The following STK38L variants were observed in gnomAD, a reference collection of about 807,000 sequenced individuals.
STK38L encodes the protein serine/threonine-protein kinase 38-like.
In STK38L, 28 loss-of-function variants were observed where a neutral mutation model predicts 59.7. That is an observed-to-expected ratio of 0.47 (90% CI 0.35 to 0.64). The LOEUF (loss-of-function observed/expected upper bound fraction) is 0.64. Ranked by LOEUF, STK38L falls within the 30% of genes least tolerant of loss-of-function variation. The pLI, the probability that STK38L is intolerant of heterozygous loss-of-function variation, is 0.01. For missense variants in STK38L, 314 were observed against 555.8 expected, an observed-to-expected ratio of 0.56 and a Z score of 4.37; for synonymous variants, 162 against 176.8, an observed-to-expected ratio of 0.92 and a Z score of 0.66.
At chr12:27,254,672 G>T (rs1174939764) in intron 1 of STK38L, among the ~76,000 whole-genome samples, 3 of 152,146 alleles carry the variant, frequency 2.0e-5, no homozygotes, top group Non-Finnish European at 2.9e-5. Context: ...CTAGGCCAGC[G>T]GTTGGCAGCT....
In STK38L at chr12:27,297,787, G is replaced by A. The variant is rs1944061499; in HGVS notation, c.67G>A (p.Val23Ile). 2 of 1,614,086 alleles carry A rather than the reference G, an allele frequency of 1.2e-6. No homozygotes were observed. The highest frequency in any genetic ancestry group is 2.2e-5 in the South Asian group (2 of 91,078). Residue 23 changes from valine (V) to isoleucine (I), a missense_variant, in exon 2 of 14, where the codon GTA (valine) becomes ATA (isoleucine). This residue lies in a region of STK38L where 192 missense variants were observed against 316.9 expected (regional missense o/e 0.61). Transcript: ENST00000389032. ...CAACCATACCCGGGAAAGAGTGACT[G>A]TAGCCAAGCTCACATTGGAGAATTT... ...MSNHTRERVT[V>I]AKLTLENFYS...
chr12:27,251,696 G>C (rs1284255794), intron 1 of STK38L, among the ~76,000 whole-genome samples: 3 of 152,206 alleles, frequency 2.0e-5, no homozygotes, highest in African/African-American at 7.2e-5. Flanking sequence ...AAGCCAATTA[G>C]GAGTGGGTAA....
At chr12:27,263,764 C>T (rs1223565131) in intron 1 of STK38L, among the ~76,000 whole-genome samples, 2 of 152,168 alleles carry the variant, frequency 1.3e-5, no homozygotes, top group Admixed American at 6.5e-5. Context: ...CAGAATAAGG[C>T]GTGGCTCCTG....
rs570791389 is a variant in STK38L at position 27,304,009 on chromosome 12, C to G, written c.186+1821C>G. ...GAGTGCAGTGGCACACACCTGTAAT[C>G]CCAGCACTTTGGGAGGCCAAGATGG... On this transcript the variant is annotated intron_variant, in intron 3 of 13. Coordinates refer to ENST00000389032, the MANE Select transcript of STK38L (RefSeq NM_015000.4). 2.6e-5 allele frequency among the ~76,000 whole-genome samples: 4 copies of G among 152,228 alleles called. No individual in the cohort carries two copies. The East Asian group carries it at 7.7e-4, about 29-fold the overall frequency.
rs1944774506 is a variant in STK38L at position 27,323,340 on chromosome 12, T to TTTATTAAACTG, written c.*886_*887insTATTAAACTGT. 11 of 152,704 alleles carry TTTATTAAACTG rather than the reference T, an allele frequency of 7.2e-5. No individual in the cohort carries two copies. In the South Asian group the frequency reaches 2.3e-3, roughly 32 times the overall value. The allele number at this position is 152,704 out of a possible 1,614,324, so 9.5% of individuals were successfully genotyped here. On this transcript the variant is annotated 3_prime_UTR_variant, in exon 14 of 14. Coordinates refer to ENST00000389032, the MANE Select transcript of STK38L (RefSeq NM_015000.4). ...ATGACCATGAAGGCTGCTTGTAGAA[T>TTTATTAAACTG]TAGTGTATTTTTATTAAACTATTTT... is the stretch of plus-strand genomic sequence containing the variant.
intron 1 of STK38L, among the ~76,000 whole-genome samples, chr12:27,275,588 C>T (rs969436994): frequency 6.6e-6 from 1 of 151,966 alleles, no homozygotes; most frequent in Non-Finnish European, 1.5e-5. Flanking sequence ...ATCCGCTCAC[C>T]TCGGCCTCCC....
chr12:27,252,354 G>A (rs563859564), intron 1 of STK38L, among the ~76,000 whole-genome samples: 1 of 152,324 alleles, frequency 6.6e-6, no homozygotes, highest in Non-Finnish European at 1.5e-5. Flanking sequence ...TTCACTTCTG[G>A]AAAGTGATAA....
At chr12:27,322,052 A>G in intron 12 of STK38L, 91 bp from the exon 13 acceptor site, 1 of 1,175,296 alleles carries the variant, frequency 8.5e-7, no homozygotes, top group Non-Finnish European at 1.2e-6. Flanking sequence ...TAGTATCTGT[A>G]GAATAGTATG....
Position 27,285,141 on chromosome 12 carries a change from A to G in STK38L, c.-11-12569A>G, listed in dbSNP as rs192719107. On this transcript the variant is annotated intron_variant, in intron 1 of 13. Coordinates refer to ENST00000389032, the MANE Select transcript of STK38L (RefSeq NM_015000.4). Reference sequence around the variant, plus strand: ...TCTTGTCTAATTTTTGTACCCCCAAAGGACTGCTGCTTCTGGCTCTTAAGT... The same window carrying G: ...TCTTGTCTAATTTTTGTACCCCCAAGGGACTGCTGCTTCTGGCTCTTAAGT... Among the ~76,000 whole-genome samples, 164 of 152,362 alleles carry G rather than the reference A, an allele frequency of 1.1e-3. 1 individual carries two copies. Among genetic ancestry groups the G allele is most frequent in the Non-Finnish European group, 2.0e-3 (134 of 68,034 alleles).
rs1212113825 is a variant in STK38L, at chr12:27,314,548, G to A, written c.562G>A (p.Glu188Lys). The A allele has an allele frequency of 1.2e-6, 2 of 1,601,142 alleles. No homozygotes were observed. Among genetic ancestry groups the A allele is most frequent in the African/African-American group, 1.4e-5 (1 of 74,010 alleles). ...LLMKKDTLTE[E>K]ETQFYISETV... is the part of the protein sequence containing the mutation. ...AATGAAGAAAGACACCTTGACAGAA[G>A]AGGAAACACAGTTCTACATTTCAGA... The change falls in exon 7 of 14, where the codon GAG (glutamate) becomes AAG (lysine). Residue 188 changes from glutamate (E) to lysine (K), a missense_variant. Around this residue, in one of 3 missense-constraint regions of STK38L, gnomAD observed 192 missense variants for 316.9 expected, o/e 0.61. Coordinates refer to ENST00000389032, the MANE Select transcript of STK38L (RefSeq NM_015000.4).
At chr12:27,274,881 G>A (rs1020590670) in intron 1 of STK38L, among the ~76,000 whole-genome samples, 4 of 151,936 alleles carry the variant, frequency 2.6e-5, no homozygotes, top group East Asian at 3.9e-4. Context: ...AGTAATCTCC[G>A]CTAACCCTGC....
chr12:27,255,656 C>T (rs889165598), intron 1 of STK38L, among the ~76,000 whole-genome samples: 1 of 152,146 alleles, frequency 6.6e-6, no homozygotes, highest in Non-Finnish European at 1.5e-5. Context: ...CTTAACAGAT[C>T]ATAAGATAGC....
intron 2 of STK38L, among the ~76,000 whole-genome samples, chr12:27,299,560 T>C (rs889053730): frequency 2.0e-5 from 3 of 152,118 alleles, no homozygotes; most frequent in Non-Finnish European, 4.4e-5. Context: ...ACAGAAATAA[T>C]AGCGATAATA....
chr12:27,248,263 A>G (rs1942899835), intron 1 of STK38L, among the ~76,000 whole-genome samples: 1 of 152,194 alleles, frequency 6.6e-6, no homozygotes, highest in African/African-American at 2.4e-5. Flanking sequence ...AACAGGGTGA[A>G]TAGAGTGTTG....
intron 12 of STK38L, among the ~76,000 whole-genome samples, chr12:27,321,290 C>T (rs1395149447): frequency 6.6e-6 from 1 of 152,028 alleles, no homozygotes; most frequent in African/African-American, 2.4e-5. Flanking sequence ...TTCTTTTAAC[C>T]ATTTGTATAG....
In STK38L at chr12:27,257,247, T is replaced by C. The variant is rs369656153; in HGVS notation, c.-12+12915T>C. Among the ~76,000 whole-genome samples the C allele has an allele frequency of 9.5e-4, 144 of 152,296 alleles. 4 individuals carry two copies. In the South Asian group the frequency reaches 0.027, roughly 29 times the overall value. On this transcript the variant is annotated intron_variant, in intron 1 of 13. Transcript: ENST00000389032. ...CCAGCCCATGTAATCAAATGGGTAA[T>C]CTTAATGGGGAGTGTCACTAAGTCA...
At chr12:27,279,067 G>T (rs11048963) in intron 1 of STK38L, among the ~76,000 whole-genome samples, 7,273 of 152,208 alleles carry the variant, frequency 0.048, 565 homozygotes, top group African/African-American at 0.16. Context: ...GGGTTTATTG[G>T]GATATAAGAC....
chr12:27,284,381 G>A (rs1437911060), intron 1 of STK38L, among the ~76,000 whole-genome samples: 5 of 152,178 alleles, frequency 3.3e-5, no homozygotes, highest in Admixed American at 1.3e-4. Context: ...CATAAAATGA[G>A]GGAGATGGAC....
intron 1 of STK38L, among the ~76,000 whole-genome samples, chr12:27,255,754 A>G (rs1022689989): frequency 6.6e-6 from 1 of 152,128 alleles, no homozygotes; most frequent in Admixed American, 6.5e-5. Context: ...GTGATCTCAT[A>G]TGCTGTGATA....
Sources: allele counts gnomAD v4.1 joint callset (sites outside exome capture counted in the v4.1 genomes callset), GRCh38; gene constraint gnomAD v4.1.1; regional missense constraint gnomAD v4.1.1; transcripts MANE v1.5; gene names NCBI Gene and HGNC (gene_info 2026-07-23, HGNC 2026-07-21).